The following RSRC1 variants were observed in gnomAD, a reference collection of about 807,000 sequenced individuals.
RSRC1 encodes the protein arginine and serine rich coiled-coil 1.
RSRC1 carries 39 observed loss-of-function variants against 49.1 expected under a neutral mutation model. The ratio of observed to expected loss-of-function variants is 0.79; its 90% confidence interval spans 0.61 to 1.04. RSRC1 has a LOEUF of 1.04. Among genes scored for constraint, RSRC1 ranks in the 50% least tolerant of loss-of-function variants. The pLI is 0.00. For synonymous variants in RSRC1, 143 were observed against 130.8 expected (o/e 1.09, Z -0.63); for missense variants, 388 against 402.4 (o/e 0.96, Z 0.31).
At chr3:158,154,173 T>C (rs1438890027) in intron 3 of RSRC1, among the ~76,000 whole-genome samples, 1 of 94,038 alleles carries the variant, frequency 1.1e-5, no homozygotes, top group Admixed American at 1.1e-4. Context: ...AAGTATGTAA[T>C]AGCATTGTGT....
At chr3:158,375,106 G>A (rs1036400110) in intron 6 of RSRC1, among the ~76,000 whole-genome samples, 6 of 130,186 alleles carry the variant, frequency 4.6e-5, no homozygotes, top group Admixed American at 1.5e-4. Flanking sequence ...TCATTCTAAC[G>A]ACATTATGAA....
chr3:158,295,111 A>C (rs537267149), intron 4 of RSRC1, among the ~76,000 whole-genome samples: 2 of 152,266 alleles, frequency 1.3e-5, no homozygotes, highest in East Asian at 3.9e-4. Flanking sequence ...CCCGAGTGTT[A>C]ATGGAAATAT....
chr3:158,230,313 A>G (rs903156185), intron 4 of RSRC1, among the ~76,000 whole-genome samples: 2 of 152,140 alleles, frequency 1.3e-5, no homozygotes, highest in Non-Finnish European at 2.9e-5. Context: ...GGTTTGCCCC[A>G]TTAATGGCAA....
intron 7 of RSRC1, among the ~76,000 whole-genome samples, chr3:158,476,078 A>C (rs914732593): frequency 1.3e-5 from 2 of 152,162 alleles, no homozygotes; most frequent in African/African-American, 4.8e-5. Context: ...AGTGGATAGA[A>C]GATCTAGATA....
chr3:158,195,440 C>T (rs1419674119), intron 3 of RSRC1, among the ~76,000 whole-genome samples: 9 of 151,102 alleles, frequency 6.0e-5, no homozygotes, highest in South Asian at 2.1e-4. Context: ...TTCTCCCATT[C>T]TGTAGGTTGC....
chr3:158,366,837 T>G (rs907747164), intron 6 of RSRC1, among the ~76,000 whole-genome samples: 1 of 152,154 alleles, frequency 6.6e-6, no homozygotes, highest in Non-Finnish European at 1.5e-5. Context: ...GAGCAGTGGT[T>G]TGTAGTTCTT....
intron 6 of RSRC1, among the ~76,000 whole-genome samples, chr3:158,378,475 TC>T (rs1191178103): frequency 1.3e-5 from 2 of 152,246 alleles, no homozygotes; most frequent in African/African-American, 4.8e-5. Flanking sequence ...TCTATTCTGT[TC>T]CTCTGAAGAG....
intron 4 of RSRC1, among the ~76,000 whole-genome samples, chr3:158,248,549 T>C (rs2108008531): frequency 6.6e-6 from 1 of 152,236 alleles, no homozygotes; most frequent in South Asian, 2.1e-4. Context: ...AGTAGACATG[T>C]TTTTGTTATC....
chr3:158,494,477 G>A (rs1009499271), intron 7 of RSRC1, among the ~76,000 whole-genome samples: 3 of 152,076 alleles, frequency 2.0e-5, no homozygotes, highest in African/African-American at 7.3e-5. Context: ...AACACTGTAC[G>A]TTAGGCTATA....
intron 6 of RSRC1, among the ~76,000 whole-genome samples, chr3:158,393,506 C>A (rs1357589400): frequency 6.6e-6 from 1 of 151,718 alleles, no homozygotes. Context: ...CACAGAAATA[C>A]AAAAATCCCT....
intron 6 of RSRC1, among the ~76,000 whole-genome samples, chr3:158,371,747 A>G (rs998940239): frequency 6.6e-6 from 1 of 151,954 alleles, no homozygotes; most frequent in Non-Finnish European, 1.5e-5. Flanking sequence ...TGCTGGCATA[A>G]TAACTTTGTT....
At chr3:158,219,949 C>T (rs932115193) in intron 4 of RSRC1, among the ~76,000 whole-genome samples, 1 of 151,546 alleles carries the variant, frequency 6.6e-6, no homozygotes, top group African/African-American at 2.4e-5. Flanking sequence ...GGAAAAGAAG[C>T]TAATGGAGAA....
intron 3 of RSRC1, among the ~76,000 whole-genome samples, chr3:158,182,221 G>A (rs75865961): frequency 8.7e-4 from 132 of 152,222 alleles, no homozygotes; most frequent in African/African-American, 2.8e-3. Context: ...GATAGGAAGA[G>A]CCCATGCAAA....
Position 158,466,900 on chromosome 3 carries a change from A to C in RSRC1, c.652+5897A>C, listed in dbSNP as rs371586564. On this transcript the variant is annotated intron_variant, in intron 7 of 9. Coordinates refer to ENST00000611884, the MANE Select transcript of RSRC1 (RefSeq NM_001271838.2). ...AATATAGTGAGACCCTGTCTCAAAAAGAAAAAAGATTAGTCAGGCATGGTA... is the reference window on the plus strand; with the variant it reads ...AATATAGTGAGACCCTGTCTCAAAACGAAAAAAGATTAGTCAGGCATGGTA... Among the ~76,000 whole-genome samples, 56 of 152,290 alleles carry C rather than the reference A, an allele frequency of 3.7e-4. 2 individuals are homozygous for C. In the South Asian group the frequency reaches 0.011, roughly 31 times the overall value.
At chr3:158,442,026 G>C (rs937141038) in intron 6 of RSRC1, among the ~76,000 whole-genome samples, 11 of 152,030 alleles carry the variant, frequency 7.2e-5, no homozygotes, top group Non-Finnish European at 1.6e-4. Context: ...AGTCTATTAA[G>C]TGTATAATAG....
At chr3:158,540,260 T>TG (rs1712963009) in intron 8 of RSRC1, among the ~76,000 whole-genome samples, 1 of 152,136 alleles carries the variant, frequency 6.6e-6, no homozygotes, top group South Asian at 2.1e-4. Context: ...CAAAAAAAAT[T>TG]GCTGACACCA....
intron 4 of RSRC1, among the ~76,000 whole-genome samples, chr3:158,259,682 C>A (rs895141049): frequency 6.6e-6 from 1 of 152,142 alleles, no homozygotes; most frequent in Non-Finnish European, 1.5e-5. Context: ...TCCCCCCAGC[C>A]CCAGGCAGGT....
intron 3 of RSRC1, among the ~76,000 whole-genome samples, chr3:158,127,674 C>T (rs1456316433): frequency 6.7e-6 from 1 of 149,758 alleles, no homozygotes; most frequent in Non-Finnish European, 1.5e-5. Context: ...TTACAGATCT[C>T]AGTTTCTTTG....
intron 3 of RSRC1, among the ~76,000 whole-genome samples, chr3:158,195,252 T>C (rs1720516678): frequency 6.6e-6 from 1 of 152,188 alleles, no homozygotes; most frequent in Admixed American, 6.5e-5. Flanking sequence ...TGGCCAGTGA[T>C]GATGAGCATT....
Sources: allele counts gnomAD v4.1 joint callset (sites outside exome capture counted in the v4.1 genomes callset), GRCh38; gene constraint gnomAD v4.1.1; transcripts MANE v1.5; gene names NCBI Gene and HGNC (gene_info 2026-07-23, HGNC 2026-07-21).